The following SLC5A11 variants were observed in gnomAD, a reference collection of about 807,000 sequenced individuals.
The protein encoded by SLC5A11 is sodium/myo-inositol cotransporter 2.
Under a neutral mutation model 69.8 loss-of-function variants are expected in SLC5A11, and 48 were observed. The ratio of observed to expected loss-of-function variants is 0.69; its 90% confidence interval spans 0.55 to 0.87. The LOEUF is 0.87. SLC5A11 is among the 40% of genes least tolerant of loss of function. The pLI is 0.00. For synonymous variants in SLC5A11, 319 were observed against 342.4 expected (o/e 0.93, Z 0.75); for missense variants, 784 against 866.1 (o/e 0.91, Z 1.19).
intron 1 of SLC5A11, among the ~76,000 whole-genome samples, chr16:24,847,907 G>A (rs921651282): frequency 2.0e-5 from 3 of 152,220 alleles, no homozygotes; most frequent in African/African-American, 7.2e-5. Flanking sequence ...TCTTTATGGG[G>A]CTTGCTGTGC....
At position 24,871,243 on chromosome 16, in the gene SLC5A11, G is replaced by A. The variant is rs115043297; in HGVS notation, c.313-917G>A. Among the ~76,000 whole-genome samples, 1,282 of 151,290 alleles carry A rather than the reference G, an allele frequency of 8.5e-3. 18 individuals are homozygous for A. Among genetic ancestry groups the A allele is most frequent in the African/African-American group, 0.029 (1,195 of 41,268 alleles). ...AGTTGCTTTTTGTGTGACCTTGGGT[G>A]GCAAGTGTTATTTCTGCTTGTTTGT... is the stretch of plus-strand genomic sequence containing the variant. On this transcript the variant is annotated intron_variant, in intron 4 of 15. Transcript: ENST00000347898.
intron 10 of SLC5A11, among the ~76,000 whole-genome samples, chr16:24,905,640 GCACACACACA>G (rs56335988): frequency 0.015 from 1,987 of 136,742 alleles, 23 homozygotes; most frequent in Non-Finnish European, 0.018. Context: ...GCGCGCGCGC[GCACACACACA>G]CACACACACA....
chr16:24,853,956 G>A (rs1366088397), intron 1 of SLC5A11, among the ~76,000 whole-genome samples: 1 of 152,204 alleles, frequency 6.6e-6, no homozygotes, highest in Admixed American at 6.5e-5. Context: ...TGTCTCCACC[G>A]TGAAGATGGA....
At chr16:24,848,029 GC>G (rs1481611875) in intron 1 of SLC5A11, among the ~76,000 whole-genome samples, 1 of 152,138 alleles carries the variant, frequency 6.6e-6, no homozygotes, top group African/African-American at 2.4e-5. Context: ...TTATATTGAG[GC>G]CAAGAGGGGG....
chr16:24,888,478 C>CTTTTTTTTTTTTTTTTTTTT (rs891552223), intron 8 of SLC5A11, among the ~76,000 whole-genome samples: 1 of 81,406 alleles, frequency 1.2e-5, no homozygotes, highest in Non-Finnish European at 2.2e-5. Flanking sequence ...GTATCTATTT[C>CTTTTTTTTTTTTTTTTTTTT]TTTTTTTTTT....
At chr16:24,905,269 C>CG (rs71383798) in intron 10 of SLC5A11, among the ~76,000 whole-genome samples, 2 of 80,410 alleles carry the variant, frequency 2.5e-5, no homozygotes, top group East Asian at 2.3e-3. Flanking sequence ...ACTAAAAATA[C>CG]AAAAAAAAAA....
chr16:24,889,772 T>C (rs1010353129), intron 8 of SLC5A11, among the ~76,000 whole-genome samples: 5 of 151,908 alleles, frequency 3.3e-5, no homozygotes, highest in African/African-American at 7.3e-5. Flanking sequence ...GGTCTCGAAC[T>C]CCTGACCTCA....
At chr16:24,886,135 A>G (rs1391779899) in intron 8 of SLC5A11, among the ~76,000 whole-genome samples, 1 of 151,816 alleles carries the variant, frequency 6.6e-6, no homozygotes, top group East Asian at 1.9e-4. Flanking sequence ...CCCGGGTTCA[A>G]GCGATTCTCC....
At chr16:24,907,903 A>G in intron 12 of SLC5A11, 60 bp from the exon 14 acceptor site, 1 of 1,580,928 alleles carries the variant, frequency 6.3e-7, no homozygotes, top group Non-Finnish European at 8.6e-7. Flanking sequence ...AGACAGAGAG[A>G]GGGAAAGAGG....
At chr16:24,865,069 G>A (rs1450139038) in intron 3 of SLC5A11, among the ~76,000 whole-genome samples, 1 of 151,878 alleles carries the variant, frequency 6.6e-6, no homozygotes, top group Non-Finnish European at 1.5e-5. Flanking sequence ...GAGAGAGAAA[G>A]GGGCAGAAAG....
rs150065146 is a variant in SLC5A11, at chr16:24,897,979, T to G, written c.876T>G (p.Ile292Met). Reference sequence around the variant, plus strand: ...ACCCCCTTGATCTTTTCCAGGTGATTGTCCAGCGGACTCTGGCTGCCAAGA... The same window carrying G: ...ACCCCCTTGATCTTTTCCAGGTGATGGTCCAGCGGACTCTGGCTGCCAAGA... The change falls in exon 10 of 16, where the codon ATT becomes ATG. Residue 292 changes from isoleucine to methionine, a missense_variant. Coordinates refer to ENST00000347898, the Ensembl canonical transcript of SLC5A11. The G allele has an allele frequency of 5.6e-5, 90 of 1,613,896 alleles. No homozygotes were observed. In the African/African-American group the frequency reaches 1.1e-3, roughly 19 times the overall value.
intron 8 of SLC5A11, among the ~76,000 whole-genome samples, chr16:24,884,348 T>C (rs1354327264): frequency 6.6e-6 from 1 of 152,094 alleles, no homozygotes; most frequent in Non-Finnish European, 1.5e-5. Flanking sequence ...TTTTTTGTTC[T>C]GAGGCAGGAT....
intron 5 of SLC5A11, 105 bp downstream of exon 6, chr16:24,872,324 C>A: frequency 7.4e-7 from 1 of 1,346,806 alleles, no homozygotes; most frequent in South Asian, 1.2e-5. Flanking sequence ...TGCCCATGGT[C>A]ATGTATTCGA....
intron 8 of SLC5A11, among the ~76,000 whole-genome samples, chr16:24,890,610 G>T (rs274078): frequency 6.6e-6 from 1 of 151,554 alleles, no homozygotes; most frequent in African/African-American, 2.4e-5. Context: ...GGTTTCATGG[G>T]TGAATACTTA....
intron 3 of SLC5A11, among the ~76,000 whole-genome samples, chr16:24,864,532 T>TA (rs1471088395): frequency 6.6e-6 from 1 of 152,168 alleles, no homozygotes; most frequent in African/African-American, 2.4e-5. Context: ...ATCAGATTTC[T>TA]AGAGTTACCA....
chr16:24,866,604 GAAAGTA>G (rs1196380280), intron 3 of SLC5A11, among the ~76,000 whole-genome samples: 1 of 150,970 alleles, frequency 6.6e-6, no homozygotes, highest in Non-Finnish European at 1.5e-5. Flanking sequence ...ACGAATGACT[GAAAGTA>G]AAAGTAAAAG....
chr16:24,850,448 C>G (rs898714576), intron 1 of SLC5A11, among the ~76,000 whole-genome samples: 2 of 152,266 alleles, frequency 1.3e-5, no homozygotes, highest in Admixed American at 6.5e-5. Context: ...TAGACCCAGG[C>G]CAGGCCAGGG....
intron 1 of SLC5A11, among the ~76,000 whole-genome samples, chr16:24,850,698 GT>G (rs1567555992): frequency 6.6e-6 from 1 of 152,176 alleles, no homozygotes; most frequent in Admixed American, 6.5e-5. Flanking sequence ...CCTCAGCTTT[GT>G]TTTCCTCACC....
chr16:24,868,207 C>G (rs1426900102), intron 3 of SLC5A11, among the ~76,000 whole-genome samples: 1 of 150,508 alleles, frequency 6.6e-6, no homozygotes, highest in African/African-American at 2.4e-5. Flanking sequence ...AGACCAAGCA[C>G]CAAGGATCAA....
Sources: gnomAD v4.1 joint callset for allele counts (sites outside exome capture counted in the v4.1 genomes callset) on GRCh38, gnomAD v4.1.1 for gene constraint, MANE v1.5 for transcripts, NCBI Gene and HGNC (gene_info 2026-07-23, HGNC 2026-07-21) for gene names.